GABRA2: variants seen among roughly 807,000 people sequenced by gnomAD.
GABRA2 encodes gamma-aminobutyric acid type A receptor subunit alpha2.
Under a neutral mutation model 48.7 loss-of-function variants are expected in GABRA2, and 16 were observed. That is an observed-to-expected ratio of 0.33 (90% CI 0.22 to 0.50). GABRA2 has a LOEUF of 0.50. GABRA2 is among the 20% of genes least tolerant of loss of function. The pLI is 0.98. For missense variants in GABRA2, 275 were observed against 535.6 expected, an observed-to-expected ratio of 0.51 and a Z score of 4.80; for synonymous variants, 185 against 184.5, an observed-to-expected ratio of 1.00 and a Z score of -0.02.
intron 8 of GABRA2, among the ~76,000 whole-genome samples, chr4:46,277,367 G>A (rs1017870448): frequency 6.6e-6 from 1 of 152,076 alleles, no homozygotes; most frequent in Admixed American, 6.6e-5. Flanking sequence ...AGTCAATTCT[G>A]GGATGCCAGG....
rs1714504193 is a variant in GABRA2 at position 46,250,423 on chromosome 4, A to G, written c.1241T>C (p.Val414Ala). The stretch of plus-strand genomic sequence containing the variant: ...TCTGGACATTCTGTCAATTTTGCTA[A>G]CACTGTTGAAAGTTTTCTTTGCTTC... ...PAEAKKTFNS[V>A]SKIDRMSRIV... The change falls in exon 10 of 10, where the codon GTT (valine) becomes GCT (alanine). Residue 414 changes from valine (V) to alanine (A), a missense_variant. This residue lies in a region of GABRA2 where 99 missense variants were observed against 124.3 expected (regional missense o/e 0.80). Coordinates refer to ENST00000381620, the MANE Select transcript of GABRA2 (RefSeq NM_000807.4). The G allele has an allele frequency of 1.2e-6, 2 of 1,611,810 alleles. No homozygotes were observed. Among genetic ancestry groups the G allele is most frequent in the Non-Finnish European group, 1.7e-6 (2 of 1,178,600 alleles).
chr4:46,389,849 G>T lies in GABRA2; in HGVS notation c.-125C>A. ...AGAGAGAGAGAGAGAGAGAGAGAGA[G>T]AGAGAGAGAGAGACCGAGACTGCAG... On this transcript the variant is annotated 5_prime_UTR_variant, in exon 1 of 10. Transcript: ENST00000381620. The T allele has an allele frequency of 4.1e-6, 4 of 973,444 alleles. No homozygotes were observed. The highest frequency in any genetic ancestry group is 4.9e-6 in the Non-Finnish European group (4 of 822,004). The allele number at this position is 973,444 out of a possible 1,614,324, so 60.3% of individuals were successfully genotyped here. A position where few individuals can be genotyped will look rare whatever the true frequency, so the allele number is the denominator to read the frequency against.
At chr4:46,312,461 T>A (rs763626904) in intron 5 of GABRA2, 35 bp downstream of exon 5, 1 of 1,414,888 alleles carries the variant, frequency 7.1e-7, no homozygotes, top group Non-Finnish European at 1.0e-6. Context: ...AATTTCTCAG[T>A]ATATAAATAC....
At chr4:46,278,389 G>T (rs148779322) in intron 8 of GABRA2, among the ~76,000 whole-genome samples, 2 of 152,210 alleles carry the variant, frequency 1.3e-5, no homozygotes, top group African/African-American at 4.8e-5. Flanking sequence ...AGTTTAGAGA[G>T]GTAGTATAAC....
At chr4:46,329,161 T>A (rs1381837639) in intron 4 of GABRA2, among the ~76,000 whole-genome samples, 1 of 152,106 alleles carries the variant, frequency 6.6e-6, no homozygotes, top group Non-Finnish European at 1.5e-5. Context: ...TTACACACTA[T>A]TAGTATTTCA....
intron 7 of GABRA2, among the ~76,000 whole-genome samples, chr4:46,305,127 G>T (rs1422911690): frequency 6.6e-6 from 1 of 151,388 alleles, no homozygotes; most frequent in Non-Finnish European, 1.5e-5. Flanking sequence ...TGTCTAAAAA[G>T]CTGGAAACCA....
intron 8 of GABRA2, among the ~76,000 whole-genome samples, chr4:46,287,056 TC>T (rs753783496): frequency 2.8e-4 from 43 of 152,272 alleles, no homozygotes; most frequent in African/African-American, 9.4e-4. Context: ...CTTATTTTTT[TC>T]CTAATAGTTT....
chr4:46,345,819 C>G (rs547963291), intron 3 of GABRA2, among the ~76,000 whole-genome samples: 1 of 152,002 alleles, frequency 6.6e-6, no homozygotes, highest in Admixed American at 6.6e-5. Context: ...GTTACAGACA[C>G]AAGAGAAATA....
rs1714474253 is a variant in GABRA2, at chr4:46,250,279, T to G, written c.*29A>C. On this transcript the variant is annotated 3_prime_UTR_variant, in exon 10 of 10. Coordinates refer to ENST00000381620, the MANE Select transcript of GABRA2 (RefSeq NM_000807.4). ...AAACAAACCAAATTTAATGTTGCTA[T>G]ACATCCCAAAGATAACATGGGTCTC... 1.3e-6 allele frequency: 2 copies of G among 1,581,448 alleles called. No homozygotes were observed. Among genetic ancestry groups the G allele is most frequent in the East Asian group, 4.5e-5 (2 of 44,564 alleles).
At position 46,390,063 on chromosome 4, in the gene GABRA2, G is replaced by T. The variant is rs1213282857; in HGVS notation, c.-339C>A. ...ATGACAGGAGCTGGGGCCGGGGGGG[G>T]AAATTGGGGGGACGCGGGCGGAGGC... On this transcript the variant is annotated 5_prime_UTR_variant, in exon 1 of 10. Coordinates refer to ENST00000381620, the MANE Select transcript of GABRA2 (RefSeq NM_000807.4). 5.7e-6 allele frequency: 1 copy of T among 174,008 alleles called. No individual in the cohort carries two copies. The highest frequency in any genetic ancestry group is 9.5e-6 in the Non-Finnish European group (1 of 105,546). 10.8% of individuals were successfully genotyped at this position (174,008 alleles called of 1,614,324 possible).
rs1338715111 is a variant in GABRA2, at chr4:46,265,503, T to TATTATATATATATATAC, written c.857-3376_857-3375insGTATATATATATATAAT. Among the ~76,000 whole-genome samples, 2 of 139,892 alleles carry TATTATATATATATATAC rather than the reference T, an allele frequency of 1.4e-5. 1 individual carries two copies. Among genetic ancestry groups the TATTATATATATATATAC allele is most frequent in the African/African-American group, 5.7e-5 (2 of 35,216 alleles). The allele number at this position is 139,892 out of a possible 152,430, so 91.8% of individuals were successfully genotyped here. A position where few individuals can be genotyped will look rare whatever the true frequency, so the allele number is the denominator to read the frequency against. On this transcript the variant is annotated intron_variant, in intron 8 of 9. Coordinates refer to ENST00000381620, the MANE Select transcript of GABRA2 (RefSeq NM_000807.4). Reference sequence around the variant, plus strand: ...TGTATATATTATATATATATATATATGTTTTCTCTATGGTCAGAAGTGATG... The same window carrying TATTATATATATATATAC: ...TGTATATATTATATATATATATATATATTATATATATATATACGTTTTCTCTATGGTCAGAAGTGATG...
intron 8 of GABRA2, among the ~76,000 whole-genome samples, chr4:46,293,988 T>C (rs747676026): frequency 6.6e-6 from 1 of 152,244 alleles, no homozygotes; most frequent in Non-Finnish European, 1.5e-5. Flanking sequence ...ACACATCTCC[T>C]GGTACCTGGT....
At chr4:46,377,565 G>C (rs1715985128) in intron 3 of GABRA2, among the ~76,000 whole-genome samples, 2 of 151,858 alleles carry the variant, frequency 1.3e-5, no homozygotes, top group Non-Finnish European at 2.9e-5. Context: ...GAAGTGAGGG[G>C]CGTCTCTGCC....
chr4:46,345,157 C>T (rs1560556611), intron 3 of GABRA2, among the ~76,000 whole-genome samples: 1 of 151,888 alleles, frequency 6.6e-6, no homozygotes, highest in Admixed American at 6.6e-5. Flanking sequence ...TCACCTGCTA[C>T]CATGTAAGAT....
At chr4:46,273,504 T>TATATATATATATATATATATATATGC (rs1719853170) in intron 8 of GABRA2, among the ~76,000 whole-genome samples, 35 of 19,934 alleles carry the variant, frequency 1.8e-3, no homozygotes, top group South Asian at 3.3e-3. Flanking sequence ...TATATATGCA[T>TATATATATATATATATATATATATGC]ATATATATAT....
intron 3 of GABRA2, among the ~76,000 whole-genome samples, chr4:46,340,914 TTTC>T (rs370901241): frequency 2.0e-4 from 30 of 152,114 alleles, no homozygotes; most frequent in African/African-American, 5.5e-4. Context: ...GCTGTATTCG[TTTC>T]TTCTTCTTTT....
intron 3 of GABRA2, among the ~76,000 whole-genome samples, chr4:46,337,649 C>T (rs62304122): frequency 1.8e-5 from 1 of 55,778 alleles, no homozygotes; most frequent in Non-Finnish European, 4.1e-5. Flanking sequence ...ATTGTTAAGA[C>T]CAAAAAAAAA....
intron 6 of GABRA2, among the ~76,000 whole-genome samples, chr4:46,306,689 C>T (rs971896402): frequency 3.3e-5 from 5 of 152,146 alleles, no homozygotes; most frequent in Admixed American, 6.5e-5. Context: ...ATCACAGTCA[C>T]GTTATCAATT....
At chr4:46,343,041 C>T (rs73133222) in intron 3 of GABRA2, among the ~76,000 whole-genome samples, 2,799 of 151,390 alleles carry the variant, frequency 0.018, 96 homozygotes, top group African/African-American at 0.064. Context: ...AAAATAGTAA[C>T]TTACTTAAGA....
Sources: gnomAD v4.1 joint callset for allele counts (sites outside exome capture counted in the v4.1 genomes callset) on GRCh38, gnomAD v4.1.1 for gene constraint, gnomAD v4.1.1 regional missense constraint, MANE v1.5 for transcripts, NCBI Gene and HGNC (gene_info 2026-07-23, HGNC 2026-07-21) for gene names.